The following VPS50 variants were observed in gnomAD, a reference collection of about 807,000 sequenced individuals.
VPS50 encodes syndetin.
Under a neutral mutation model 139.7 loss-of-function variants are expected in VPS50, and 70 were observed. The ratio of observed to expected loss-of-function variants is 0.50; its 90% CI spans 0.41 to 0.61. The LOEUF is 0.61. VPS50 is among the 20% of genes least tolerant of loss of function. VPS50 has a pLI of 0.00. For synonymous variants in VPS50, 365 were observed against 376.7 expected, an observed-to-expected ratio of 0.97 and a Z score of 0.36; for missense variants, 921 against 1,133.7, an observed-to-expected ratio of 0.81 and a Z score of 2.69.
At chr7:93,298,741 G>A (rs113548343) in intron 16 of VPS50, among the ~76,000 whole-genome samples, 86 of 152,320 alleles carry the variant, frequency 5.6e-4, no homozygotes, top group African/African-American at 1.9e-3. Flanking sequence ...AGAAATGAAT[G>A]ACTTAAATCT....
intron 21 of VPS50, among the ~76,000 whole-genome samples, chr7:93,324,838 G>A (rs1797722400): frequency 6.6e-6 from 1 of 152,182 alleles, no homozygotes; most frequent in Non-Finnish European, 1.5e-5. Flanking sequence ...TGGGTAGGAA[G>A]AATCAATATC....
chr7:93,271,404 T>A, intron 10 of VPS50, 142 bp downstream of exon 10: 1 of 1,298,286 alleles, frequency 7.7e-7, no homozygotes, highest in Non-Finnish European at 9.9e-7. Flanking sequence ...ATTTGGAATA[T>A]CTATTTATGG....
intron 20 of VPS50, among the ~76,000 whole-genome samples, chr7:93,322,624 A>C (rs537948182): frequency 1.3e-4 from 19 of 148,068 alleles, no homozygotes; most frequent in Admixed American, 6.7e-4. Context: ...AAAAAAAAAT[A>C]GTACCAATTT....
At chr7:93,299,944 T>A (rs1483902845) in intron 16 of VPS50, among the ~76,000 whole-genome samples, 1 of 152,100 alleles carries the variant, frequency 6.6e-6, no homozygotes, top group Non-Finnish European at 1.5e-5. Flanking sequence ...GTCAAAATAT[T>A]GTTTAATAAG....
intron 9 of VPS50, among the ~76,000 whole-genome samples, chr7:93,266,591 A>G (rs1729013472): frequency 6.6e-6 from 1 of 152,178 alleles, no homozygotes; most frequent in Non-Finnish European, 1.5e-5. Flanking sequence ...AGTGATGGTA[A>G]AAACCCTTTG....
intron 11 of VPS50, chr7:93,273,261 T>C (rs1209509310): frequency 1.3e-5 from 2 of 152,118 alleles, no homozygotes; most frequent in Non-Finnish European, 2.9e-5. Flanking sequence ...TTCATACTCT[T>C]ACTGTTCAAG....
intron 27 of VPS50, among the ~76,000 whole-genome samples, chr7:93,356,797 A>T (rs973323985): frequency 6.6e-6 from 1 of 152,128 alleles, no homozygotes; most frequent in Non-Finnish European, 1.5e-5. Context: ...ACATTTTCTT[A>T]ACCTATGAAT....
intron 2 of VPS50, among the ~76,000 whole-genome samples, chr7:93,243,731 T>C (rs991605994): frequency 6.6e-6 from 1 of 151,930 alleles, no homozygotes; most frequent in East Asian, 1.9e-4. Context: ...TAATATATGA[T>C]AGTAGAGCCA....
intron 13 of VPS50, among the ~76,000 whole-genome samples, chr7:93,292,952 T>C (rs775526023): frequency 3.9e-5 from 6 of 152,162 alleles, no homozygotes; most frequent in Admixed American, 6.6e-5. Flanking sequence ...CCTGGGACCA[T>C]GAGCTCTGCG....
intron 22 of VPS50, among the ~76,000 whole-genome samples, chr7:93,337,409 A>G (rs1429805842): frequency 6.6e-6 from 1 of 152,196 alleles, no homozygotes; most frequent in African/African-American, 2.4e-5. Flanking sequence ...CTCTCAGACT[A>G]TAGATATACC....
intron 2 of VPS50, among the ~76,000 whole-genome samples, chr7:93,248,586 CT>C (rs1220145292): frequency 1.3e-5 from 2 of 151,928 alleles, no homozygotes; most frequent in Non-Finnish European, 2.9e-5. Flanking sequence ...AGCATATTGT[CT>C]TTTCCTTTCC....
chr7:93,254,530 G>A (rs1795430654), intron 4 of VPS50, among the ~76,000 whole-genome samples: 1 of 152,078 alleles, frequency 6.6e-6, no homozygotes, highest in East Asian at 1.9e-4. Context: ...GCCTCCCAAA[G>A]CACTGGAATT....
rs538270307 is a variant in VPS50 at position 93,260,990 on chromosome 7, T to TA, written c.659+1359dup. Among the ~76,000 whole-genome samples, 20 of 152,338 alleles carry TA rather than the reference T, an allele frequency of 1.3e-4. No homozygotes were observed. In the South Asian group the frequency reaches 3.9e-3, roughly 30 times the overall value. Reference sequence around the variant, plus strand: ...GATATAAATTGAGTAGTACCAGTGATACTTTCATTTTGTCCATTTTGAGAG... The same window carrying TA: ...GATATAAATTGAGTAGTACCAGTGATAACTTTCATTTTGTCCATTTTGAGAG... On this transcript the variant is annotated intron_variant, in intron 9 of 27. Coordinates refer to ENST00000305866, the MANE Select transcript of VPS50 (RefSeq NM_017667.4).
intron 24 of VPS50, among the ~76,000 whole-genome samples, chr7:93,349,659 A>G (rs1798502490): frequency 2.0e-5 from 3 of 152,192 alleles, no homozygotes; most frequent in South Asian, 2.1e-4. Context: ...TGCAGTGTCA[A>G]TGGCTTCAAG....
At chr7:93,311,445 T>C (rs1296396574) in intron 20 of VPS50, among the ~76,000 whole-genome samples, 173 bp downstream of exon 20, 3 of 152,180 alleles carry the variant, frequency 2.0e-5, no homozygotes, top group Non-Finnish European at 4.4e-5. Context: ...ACTATAATAC[T>C]AATAGTAATG....
chr7:93,297,270 G>A, intron 16 of VPS50, 27 bp downstream of exon 16: 4 of 1,497,886 alleles, frequency 2.7e-6, no homozygotes, highest in Middle Eastern at 1.9e-4. Flanking sequence ...GATATGAATC[G>A]ACTTATTTAG....
intron 20 of VPS50, among the ~76,000 whole-genome samples, chr7:93,319,168 C>T (rs1430128908): frequency 1.3e-5 from 2 of 152,150 alleles, no homozygotes; most frequent in African/African-American, 4.8e-5. Flanking sequence ...TCCTTTTCCT[C>T]TGAATATATA....
At chr7:93,331,487 A>G (rs1249701618) in intron 21 of VPS50, among the ~76,000 whole-genome samples, 1 of 152,116 alleles carries the variant, frequency 6.6e-6, no homozygotes, top group Non-Finnish European at 1.5e-5. Context: ...AGTTCATTAG[A>G]GAAAATAGTT....
intron 26 of VPS50, among the ~76,000 whole-genome samples, chr7:93,354,974 C>T (rs991905867): frequency 1.1e-4 from 17 of 152,054 alleles, no homozygotes; most frequent in Non-Finnish European, 1.6e-4. Context: ...TGACAACAGT[C>T]GTGGCACTCT....
Sources: allele counts gnomAD v4.1 joint callset (sites outside exome capture counted in the v4.1 genomes callset), GRCh38; gene constraint gnomAD v4.1.1; transcripts MANE v1.5; gene names NCBI Gene and HGNC (gene_info 2026-07-23, HGNC 2026-07-21).